The following LMX1B variants were observed in gnomAD, a reference collection of about 807,000 sequenced individuals.
LMX1B encodes LIM homeobox transcription factor 1 beta.
LMX1B carries 12 observed loss-of-function variants against 51.4 expected under a neutral mutation model. That is an observed-to-expected ratio of 0.23 (90% CI 0.15 to 0.38). The LOEUF is 0.38. LMX1B is among the 10% of genes least tolerant of loss of function. LMX1B has a pLI of 1.00. For synonymous variants in LMX1B, 237 were observed against 235.4 expected (o/e 1.01, Z -0.06); for missense variants, 445 against 571.1 (o/e 0.78, Z 2.25).
At chr9:126,694,609 G>A (rs2118994854) in intron 6 of LMX1B, among the ~76,000 whole-genome samples, 1 of 152,346 alleles carries the variant, frequency 6.6e-6, no homozygotes, top group South Asian at 2.1e-4. Flanking sequence ...GCGGGGGACA[G>A]AGCTGCCTGC....
intron 2 of LMX1B, among the ~76,000 whole-genome samples, chr9:126,629,623 A>G (rs1290030306): frequency 1.3e-5 from 2 of 152,292 alleles, no homozygotes; most frequent in Non-Finnish European, 2.9e-5. Context: ...TTTGTTGAAG[A>G]AATGGCTCCT....
intron 2 of LMX1B, among the ~76,000 whole-genome samples, chr9:126,652,300 G>GGA (rs903828019): frequency 1.3e-5 from 2 of 150,524 alleles, no homozygotes; most frequent in Admixed American, 1.3e-4. Context: ...AGGAGAAGGG[G>GGA]GGGGGGATTT....
At chr9:126,664,190 G>T (rs10429515) in intron 2 of LMX1B, among the ~76,000 whole-genome samples, 20,257 of 152,026 alleles carry the variant, frequency 0.13, 1,573 homozygotes, top group East Asian at 0.37. Context: ...CTGTCGGGGG[G>T]GTCTCACATC....
At chr9:126,639,161 G>T (rs911206695) in intron 2 of LMX1B, among the ~76,000 whole-genome samples, 1 of 151,982 alleles carries the variant, frequency 6.6e-6, no homozygotes. Context: ...GGAGAGGAAA[G>T]AGAGGAGGGG....
intron 2 of LMX1B, among the ~76,000 whole-genome samples, chr9:126,617,818 T>C (rs929189229): frequency 6.7e-6 from 1 of 149,910 alleles, no homozygotes; most frequent in African/African-American, 2.5e-5. Context: ...TTATTCTAGC[T>C]GTGGACAGTT....
At chr9:126,624,665 TG>T (rs1446755594) in intron 2 of LMX1B, among the ~76,000 whole-genome samples, 31 of 56,712 alleles carry the variant, frequency 5.5e-4, no homozygotes, top group African/African-American at 1.8e-3. Context: ...TTTTTTATCT[TG>T]TTTTTTTTTT....
In LMX1B at chr9:126,633,084, C is replaced by G. The variant is rs141464199; in HGVS notation, c.326+17515C>G. ...CCCCTGGCCTCCATCATCCTTTCTT[C>G]TTCTGGAAAACTCTCCCTACTCCCA... is the stretch of plus-strand genomic sequence containing the variant. On this transcript the variant is annotated intron_variant, in intron 2 of 7. Coordinates refer to ENST00000373474, the MANE Select transcript of LMX1B (RefSeq NM_001174147.2). Among the ~76,000 whole-genome samples, 732 of 152,326 alleles carry G rather than the reference C, an allele frequency of 4.8e-3. 4 individuals are homozygous for G. Among genetic ancestry groups the G allele is most frequent in the African/African-American group, 0.017 (704 of 41,574 alleles).
At chr9:126,645,223 C>T (rs553336049) in intron 2 of LMX1B, among the ~76,000 whole-genome samples, 20 of 152,336 alleles carry the variant, frequency 1.3e-4, no homozygotes, top group Non-Finnish European at 2.1e-4. Flanking sequence ...TCCAGATGGG[C>T]ACCTTTCTCC....
Position 126,658,291 on chromosome 9 carries a change from G to T in LMX1B, c.327-32545G>T, listed in dbSNP as rs1357398788. ...AGAAAGGGAGTCAAGCCTCTAAAAT[G>T]AGGGAGGGACTTACTAGCTCTGGAT... On this transcript the variant is annotated intron_variant, in intron 2 of 7. Coordinates refer to ENST00000373474, the MANE Select transcript of LMX1B (RefSeq NM_001174147.2). The surrounding 1 kb of genome is among the most constrained non-coding windows in gnomAD (Gnocchi z 4.0). Among the ~76,000 whole-genome samples, 1 of 152,096 alleles carries T rather than the reference G, an allele frequency of 6.6e-6. No homozygotes were observed. Among genetic ancestry groups the T allele is most frequent in the Non-Finnish European group, 1.5e-5 (1 of 68,016 alleles).
intron 2 of LMX1B, among the ~76,000 whole-genome samples, chr9:126,684,094 C>T (rs1361257797): frequency 2.6e-5 from 4 of 151,944 alleles, no homozygotes; most frequent in Admixed American, 6.6e-5. Flanking sequence ...AGGGTGTAGC[C>T]GGTGGGAACA....
chr9:126,687,667 A>G (rs889352396), intron 2 of LMX1B, among the ~76,000 whole-genome samples: 2 of 152,230 alleles, frequency 1.3e-5, no homozygotes, highest in Non-Finnish European at 2.9e-5. Context: ...CTACATCTTC[A>G]TGCTGAGATG....
intron 1 of LMX1B, among the ~76,000 whole-genome samples, chr9:126,614,990 C>A (rs1835273901): frequency 1.3e-5 from 2 of 152,236 alleles, no homozygotes; most frequent in African/African-American, 4.8e-5. Flanking sequence ...TTGGGGAGAT[C>A]GGGGATAGAA....
Position 126,693,831 on chromosome 9 carries a change from A to T in LMX1B, c.886+19A>T, listed in dbSNP as rs1564170125. On this transcript the variant is annotated intron_variant, in intron 6 of 7. Coordinates refer to ENST00000373474, the MANE Select transcript of LMX1B (RefSeq NM_001174147.2). The stretch of plus-strand genomic sequence containing the variant: ...GGCCAGGGTGAGCCGGGGCCGGGGC[A>T]GGGCCTGGGCCAGGGTGAGCTGGGG... 8.7e-7 allele frequency: 1 copy of T among 1,152,056 alleles called. No homozygotes were observed. Among genetic ancestry groups the T allele is most frequent in the Admixed American group, 2.0e-5 (1 of 50,386 alleles). 71.4% of individuals were successfully genotyped at this position (1,152,056 alleles called of 1,614,324 possible). A position where few individuals can be genotyped will look rare whatever the true frequency, so the allele number is the denominator to read the frequency against.
chr9:126,654,899 C>T (rs971399673), intron 2 of LMX1B, among the ~76,000 whole-genome samples: 5 of 152,204 alleles, frequency 3.3e-5, no homozygotes, highest in Admixed American at 6.5e-5. Flanking sequence ...CCCTTCTCTC[C>T]ACTGGACCTG....
At chr9:126,638,271 C>T (rs1350767310) in intron 2 of LMX1B, among the ~76,000 whole-genome samples, 2 of 152,190 alleles carry the variant, frequency 1.3e-5, no homozygotes, top group Admixed American at 1.3e-4. Context: ...CTGCCCATCT[C>T]TCCCAACAGG....
intron 2 of LMX1B, among the ~76,000 whole-genome samples, chr9:126,686,549 G>A (rs1405431762): frequency 6.6e-6 from 1 of 152,190 alleles, no homozygotes; most frequent in Admixed American, 6.5e-5. Flanking sequence ...AGGTAGGGGA[G>A]ATGTGTATGG....
At position 126,671,941 on chromosome 9, in the gene LMX1B, A is replaced by G. The variant is rs938529385; in HGVS notation, c.327-18895A>G. ...CCCTTCTCCTGGACTGGGGCTTCCA[A>G]GTAAATTCATCTTCCTTATTAAAAA... On this transcript the variant is annotated intron_variant, in intron 2 of 7. Coordinates refer to ENST00000373474, the MANE Select transcript of LMX1B (RefSeq NM_001174147.2). This position sits in a 1 kb window ranked among gnomAD's most constrained non-coding sequence, Gnocchi z 4.4. Among the ~76,000 whole-genome samples the G allele has an allele frequency of 6.6e-6, 1 of 152,230 alleles. No individual in the cohort carries two copies. Among genetic ancestry groups the G allele is most frequent in the Non-Finnish European group, 1.5e-5 (1 of 68,028 alleles).
At position 126,615,199 on chromosome 9, in the gene LMX1B, G is replaced by A. The variant is rs1449123198; in HGVS notation, c.140-184G>A. ...CGGCCTCTCCACGCCGGAGCCCGAG[G>A]ACTGGGACGGACTAGCCGGGGCCGC... On this transcript the variant is annotated intron_variant, in intron 1 of 7. Transcript: ENST00000373474. The surrounding 1 kb of genome is among the most constrained non-coding windows in gnomAD (Gnocchi z 6.0). Among the ~76,000 whole-genome samples the A allele has an allele frequency of 2.0e-5, 3 of 151,730 alleles. No individual in the cohort carries two copies. The highest frequency in any genetic ancestry group is 2.9e-5 in the Non-Finnish European group (2 of 67,892).
chr9:126,632,423 T>C (rs1178185089), intron 2 of LMX1B, among the ~76,000 whole-genome samples: 6 of 152,042 alleles, frequency 3.9e-5, no homozygotes, highest in Admixed American at 2.6e-4. Flanking sequence ...GCGGAGGGGC[T>C]GCCGAGGGGC....
Sources: allele counts gnomAD v4.1 joint callset (sites outside exome capture counted in the v4.1 genomes callset), GRCh38; gene constraint gnomAD v4.1.1; non-coding constraint Gnocchi (gnomAD v3.1); transcripts MANE v1.5; gene names NCBI Gene and HGNC (gene_info 2026-07-23, HGNC 2026-07-21).